Variants in PHETA1 observed in about 807,000 individuals in gnomAD.
PHETA1 encodes the protein sesquipedalian-1.
For missense variants in PHETA1, 348 were observed against 373.5 expected, an observed-to-expected ratio of 0.93 and a Z score of 0.56; for synonymous variants, 155 against 168.9, an observed-to-expected ratio of 0.92 and a Z score of 0.64.
Position 111,361,876 on chromosome 12 carries a change from C to T in PHETA1, c.*802G>A, listed in dbSNP as rs557983336. ...GGCAAGCTCCCAAGGGGCCCCAGGC[C>T]TAGGGGCCAAGACTGAAGGATGCAG... is the stretch of plus-strand genomic sequence containing the variant. On this transcript the variant is annotated 3_prime_UTR_variant, in exon 3 of 3. Coordinates refer to ENST00000683047, the MANE Select transcript of PHETA1 (RefSeq NM_144671.6). 11 of 456,138 alleles carry T rather than the reference C, an allele frequency of 2.4e-5. No homozygotes were observed. The highest frequency in any genetic ancestry group is 1.4e-4 in the South Asian group (9 of 64,556). 28.3% of individuals were successfully genotyped at this position (456,138 alleles called of 1,614,324 possible).
rs1217210575 is a variant in PHETA1, at chr12:111,362,336, C to A, written c.*342G>T. On this transcript the variant is annotated 3_prime_UTR_variant, in exon 3 of 3. Coordinates refer to ENST00000683047, the MANE Select transcript of PHETA1 (RefSeq NM_144671.6). ...TCCCAGTGACCCTCTGAGCTGCAGG[C>A]CCGGCAATGCCTGTTGCCAGCACAG... 34 of 513,790 alleles carry A rather than the reference C, an allele frequency of 6.6e-5. No homozygotes were observed. Among genetic ancestry groups the A allele is most frequent in the Non-Finnish European group, 1.1e-4 (32 of 284,758 alleles). The allele number at this position is 513,790 out of a possible 1,614,324, so 31.8% of individuals were successfully genotyped here. A position where few individuals can be genotyped will look rare whatever the true frequency, so the allele number is the denominator to read the frequency against.
chr12:111,363,987 G>A lies in PHETA1; in HGVS notation c.-36-524C>T, dbSNP rs766013619. 1.5e-4 allele frequency among the ~76,000 whole-genome samples: 23 copies of A among 152,206 alleles called. No individual in the cohort carries two copies. Among genetic ancestry groups the A allele is most frequent in the Non-Finnish European group, 2.5e-4 (17 of 68,034 alleles). ...GCCAGGTCCCAGCCCTGACTTTGTG[G>A]TTCGACTTTGGTTTGTTCATCCATG... is the stretch of plus-strand genomic sequence containing the variant. On this transcript the variant is annotated intron_variant, in intron 2 of 2. Transcript: ENST00000683047. This position sits in a 1 kb window ranked among gnomAD's most constrained non-coding sequence, Gnocchi z 7.4.
chr12:111,363,670 A>G lies in PHETA1; in HGVS notation c.-36-207T>C, dbSNP rs1440013723. On this transcript the variant is annotated intron_variant, in intron 2 of 2. Transcript: ENST00000683047. The surrounding 1 kb of genome is among the most constrained non-coding windows in gnomAD (Gnocchi z 7.4). ...CTGGGTCTCACGGGCCTCCCCAGAC[A>G]GCCTCATAACCTCCTACCCTCCTGT... 4 of 1,533,662 alleles carry G rather than the reference A, an allele frequency of 2.6e-6. No homozygotes were observed. Among genetic ancestry groups the G allele is most frequent in the East Asian group, 2.5e-5 (1 of 40,798 alleles).
rs964031729 is a variant in PHETA1 at position 111,361,711 on chromosome 12, G to A, written c.*967C>T. 54 of 325,590 alleles carry A rather than the reference G, an allele frequency of 1.7e-4. No homozygotes were observed. Among genetic ancestry groups the A allele is most frequent in the Non-Finnish European group, 2.5e-4 (44 of 177,206 alleles). The allele number at this position is 325,590 out of a possible 1,614,324, so 20.2% of individuals were successfully genotyped here. A position where few individuals can be genotyped will look rare whatever the true frequency, so the allele number is the denominator to read the frequency against. ...AAGAGGGGCTCTGGAAGCCACACTC[G>A]GTGTGCGGCTTTTTCTCCGCCACTA... On this transcript the variant is annotated 3_prime_UTR_variant, in exon 3 of 3. Coordinates refer to ENST00000683047, the MANE Select transcript of PHETA1 (RefSeq NM_144671.6).
rs982548766 is a variant in PHETA1, at chr12:111,361,773, T to C, written c.*905A>G. 6 of 399,288 alleles carry C rather than the reference T, an allele frequency of 1.5e-5. No homozygotes were observed. The highest frequency in any genetic ancestry group is 1.2e-4 in the African/African-American group (6 of 48,072). 24.7% of individuals were successfully genotyped at this position (399,288 alleles called of 1,614,324 possible). ...GGGCCTTCCTAGGCGGTGAGTCAGC[T>C]GGTGGCCTCCCCTCCCTGGGGGAAC... On this transcript the variant is annotated 3_prime_UTR_variant, in exon 3 of 3. Transcript: ENST00000683047.
At chr12:111,364,147 T>A (rs1814246) in intron 2 of PHETA1, among the ~76,000 whole-genome samples, 64,659 of 151,982 alleles carry the variant, frequency 0.43, 18,181 homozygotes, top group East Asian at 0.93. Context: ...GACAGGGTCG[T>A]CCAGCCTGGC....
chr12:111,362,354 C>A lies in PHETA1; in HGVS notation c.*324G>T. 1.8e-6 allele frequency: 1 copy of A among 559,626 alleles called. No homozygotes were observed. The allele number at this position is 559,626 out of a possible 1,614,324, so 34.7% of individuals were successfully genotyped here. A position where few individuals can be genotyped will look rare whatever the true frequency, so the allele number is the denominator to read the frequency against. ...CTGCAGGCCCGGCAATGCCTGTTGCCAGCACAGGCCTCTGCCCGGCAGCTC... is the reference window on the plus strand; with the variant it reads ...CTGCAGGCCCGGCAATGCCTGTTGCAAGCACAGGCCTCTGCCCGGCAGCTC... On this transcript the variant is annotated 3_prime_UTR_variant, in exon 3 of 3. Transcript: ENST00000683047.
Position 111,363,474 on chromosome 12 carries a change from T to G in PHETA1, c.-36-11A>C. The G allele has an allele frequency of 6.3e-7, 1 of 1,587,550 alleles. No individual in the cohort carries two copies. The highest frequency in any genetic ancestry group is 8.6e-7 in the Non-Finnish European group (1 of 1,166,882). ...AGGGGAGCCTGGGGCCTGGACCCCA[T>G]AGAAGGGCTGTTATGCACAAGGCCA... On this transcript the variant is annotated splice_polypyrimidine_tract_variant and intron_variant, in intron 2 of 2. Transcript: ENST00000683047. This position sits in a 1 kb window ranked among gnomAD's most constrained non-coding sequence, Gnocchi z 7.4.
Position 111,363,855 on chromosome 12 carries a change from G to T in PHETA1, c.-36-392C>A. 1.2e-6 allele frequency: 1 copy of T among 800,690 alleles called. No homozygotes were observed. The highest frequency in any genetic ancestry group is 1.7e-6 in the Non-Finnish European group (1 of 576,808). The allele number at this position is 800,690 out of a possible 1,614,324, so 49.6% of individuals were successfully genotyped here. A position where few individuals can be genotyped will look rare whatever the true frequency, so the allele number is the denominator to read the frequency against. ...CAGAGAGGTTAACTGCTTCCCTGGTGTCACAAAGCAGGTTGGGCAGGGCTG... is the reference window on the plus strand; with the variant it reads ...CAGAGAGGTTAACTGCTTCCCTGGTTTCACAAAGCAGGTTGGGCAGGGCTG... On this transcript the variant is annotated intron_variant, in intron 2 of 2. Transcript: ENST00000683047. The surrounding 1 kb of genome is among the most constrained non-coding windows in gnomAD (Gnocchi z 7.4).
chr12:111,367,253 G>GT lies in PHETA1; in HGVS notation c.-181-997dup, dbSNP rs1309419230. On this transcript the variant is annotated intron_variant, in intron 1 of 2. Transcript: ENST00000683047. This position sits in a 1 kb window ranked among gnomAD's most constrained non-coding sequence, Gnocchi z 4.0. The stretch of plus-strand genomic sequence containing the variant: ...TAGCTGTCACCTCCTCAGAGAGGTG[G>GT]TCCCTGGCCACCCTATGCACAAGAG... Among the ~76,000 whole-genome samples the GT allele has an allele frequency of 1.3e-5, 2 of 152,122 alleles. No individual in the cohort carries two copies. Among genetic ancestry groups the GT allele is most frequent in the East Asian group, 1.9e-4 (1 of 5,190 alleles).
Position 111,363,809 on chromosome 12 carries a change from A to G in PHETA1, c.-36-346T>C. 2.5e-6 allele frequency: 3 copies of G among 1,220,586 alleles called. No homozygotes were observed. The South Asian group carries it at 4.1e-5, about 17-fold the overall frequency. 75.6% of individuals were successfully genotyped at this position (1,220,586 alleles called of 1,614,324 possible). ...CAGGGACTGGCCTGGCACCAGTGCA[A>G]CAGATGAGGAAACAGAGGCACAGAG... is the stretch of plus-strand genomic sequence containing the variant. On this transcript the variant is annotated intron_variant, in intron 2 of 2. Coordinates refer to ENST00000683047, the MANE Select transcript of PHETA1 (RefSeq NM_144671.6). The surrounding 1 kb of genome is among the most constrained non-coding windows in gnomAD (Gnocchi z 7.4).
rs1184401874 is a variant in PHETA1, at chr12:111,363,145, C to A, written c.283G>T (p.Ala95Ser). 6.2e-7 allele frequency: 1 copy of A among 1,610,052 alleles called. No homozygotes were observed. The highest frequency in any genetic ancestry group is 1.3e-5 in the African/African-American group (1 of 74,920). Reference sequence around the variant, plus strand: ...CCCTCCATGGCATCCTGACTCTCAGCGGCCAGCACGTAGGTGCGCGCCCGG... The same window carrying A: ...CCCTCCATGGCATCCTGACTCTCAGAGGCCAGCACGTAGGTGCGCGCCCGG... Reference protein sequence around the residue: ...GTRARTYVLAAESQDAMEGWV... With the variant: ...GTRARTYVLASESQDAMEGWV... The change falls in exon 3 of 3, where the codon GCT becomes TCT. Residue 95 changes from alanine (A) to serine (S), a missense_variant. By Grantham distance (99) the Ala-to-Ser change is moderately conservative. Coordinates refer to ENST00000683047, the MANE Select transcript of PHETA1 (RefSeq NM_144671.6). The surrounding 1 kb of genome is among the most constrained non-coding windows in gnomAD (Gnocchi z 7.4).
At position 111,363,641 on chromosome 12, in the gene PHETA1, G is replaced by C; in HGVS notation, c.-36-178C>G. 4 of 1,534,738 alleles carry C rather than the reference G, an allele frequency of 2.6e-6. No individual in the cohort carries two copies. In the South Asian group the frequency reaches 3.6e-5, roughly 14 times the overall value. On this transcript the variant is annotated intron_variant, in intron 2 of 2. Coordinates refer to ENST00000683047, the MANE Select transcript of PHETA1 (RefSeq NM_144671.6). This position sits in a 1 kb window ranked among gnomAD's most constrained non-coding sequence, Gnocchi z 7.4. ...CTCCTAAGAAGCAGAGACAGGACTG[G>C]AACCTGGGTCTCACGGGCCTCCCCA...
At chr12:111,365,169 A>G (rs1043660679) in intron 2 of PHETA1, among the ~76,000 whole-genome samples, 3 of 152,174 alleles carry the variant, frequency 2.0e-5, no homozygotes, top group African/African-American at 4.8e-5. Context: ...GGGGTTTTCC[A>G]TGGCCATTTT....
Position 111,363,497 on chromosome 12 carries a change from C to G in PHETA1, c.-36-34G>C, listed in dbSNP as rs747341422. ...CATAGAAGGGCTGTTATGCACAAGG[C>G]CACTGACGCTAGGTCACCCAGTGCC... On this transcript the variant is annotated intron_variant, in intron 2 of 2. Coordinates refer to ENST00000683047, the MANE Select transcript of PHETA1 (RefSeq NM_144671.6). The surrounding 1 kb of genome is among the most constrained non-coding windows in gnomAD (Gnocchi z 7.4). The G allele has an allele frequency of 2.6e-6, 4 of 1,565,054 alleles. No individual in the cohort carries two copies. The highest frequency in any genetic ancestry group is 3.5e-6 in the Non-Finnish European group (4 of 1,157,994).
chr12:111,363,662 C>T lies in PHETA1; in HGVS notation c.-36-199G>A, dbSNP rs982151581. ...ACTGGAACCTGGGTCTCACGGGCCT[C>T]CCCAGACAGCCTCATAACCTCCTAC... On this transcript the variant is annotated intron_variant, in intron 2 of 2. Coordinates refer to ENST00000683047, the MANE Select transcript of PHETA1 (RefSeq NM_144671.6). This position sits in a 1 kb window ranked among gnomAD's most constrained non-coding sequence, Gnocchi z 7.4. The T allele has an allele frequency of 6.5e-7, 1 of 1,533,890 alleles. No homozygotes were observed. Among genetic ancestry groups the T allele is most frequent in the Non-Finnish European group, 8.7e-7 (1 of 1,146,034 alleles).
intron 2 of PHETA1, among the ~76,000 whole-genome samples, chr12:111,364,633 G>A (rs1358319245): frequency 6.6e-6 from 1 of 151,940 alleles, no homozygotes; most frequent in Non-Finnish European, 1.5e-5. Flanking sequence ...GTGAGGTGGT[G>A]CACGCCCATA....
rs1489345693 is a variant in PHETA1 at position 111,367,367 on chromosome 12, G to A, written c.-181-1110C>T. 6.6e-6 allele frequency among the ~76,000 whole-genome samples: 1 copy of A among 152,180 alleles called. No individual in the cohort carries two copies. The highest frequency in any genetic ancestry group is 1.5e-5 in the Non-Finnish European group (1 of 68,036). On this transcript the variant is annotated intron_variant, in intron 1 of 2. Coordinates refer to ENST00000683047, the MANE Select transcript of PHETA1 (RefSeq NM_144671.6). The surrounding 1 kb of genome is among the most constrained non-coding windows in gnomAD (Gnocchi z 4.0). The stretch of plus-strand genomic sequence containing the variant: ...GGGCGTTTGTGGTCTGAATTCTAGT[G>A]CCTGGCATGCAGTAGGTACTCACAC...
chr12:111,362,203 G>A lies in PHETA1; in HGVS notation c.*475C>T. ...TCTGGCAGGTCCCGGAGCAAGGCCAGGCCCAGGTGTGGCTGCCATGACCGA... is the reference window on the plus strand; with the variant it reads ...TCTGGCAGGTCCCGGAGCAAGGCCAAGCCCAGGTGTGGCTGCCATGACCGA... On this transcript the variant is annotated 3_prime_UTR_variant, in exon 3 of 3. Transcript: ENST00000683047. The A allele has an allele frequency of 2.8e-6, 1 of 363,614 alleles. No homozygotes were observed. Among genetic ancestry groups the A allele is most frequent in the Non-Finnish European group, 5.4e-6 (1 of 184,918 alleles). The allele number at this position is 363,614 out of a possible 1,614,324, so 22.5% of individuals were successfully genotyped here. A position where few individuals can be genotyped will look rare whatever the true frequency, so the allele number is the denominator to read the frequency against.
Sources: gnomAD v4.1 joint callset for allele counts (sites outside exome capture counted in the v4.1 genomes callset) on GRCh38, gnomAD v4.1.1 for gene constraint, Gnocchi (gnomAD v3.1) non-coding constraint, MANE v1.5 for transcripts, NCBI Gene and HGNC (gene_info 2026-07-23, HGNC 2026-07-21) for gene names.